RUSC2: variants seen among roughly 807,000 people sequenced by gnomAD.
RUSC2 encodes RUN and SH3 domain containing 2, also known as AP-4 complex accessory subunit RUSC2.
In RUSC2, 34 loss-of-function variants were observed where a neutral mutation model predicts 122.2. That is an observed-to-expected ratio of 0.28 (90% CI 0.21 to 0.37). RUSC2 has a LOEUF of 0.37. Among genes scored for constraint, RUSC2 ranks in the 10% least tolerant of loss-of-function variants. The pLI, the probability that RUSC2 is intolerant of heterozygous loss-of-function variation, is 1.00. For missense variants in RUSC2, 1,747 were observed against 1,952.4 expected, an observed-to-expected ratio of 0.89 and a Z score of 1.98; for synonymous variants, 784 against 790.0, an observed-to-expected ratio of 0.99 and a Z score of 0.13.
intron 1 of RUSC2, among the ~76,000 whole-genome samples, chr9:35,525,643 A>G (rs1211898205): frequency 6.6e-6 from 1 of 152,218 alleles, no homozygotes; most frequent in Non-Finnish European, 1.5e-5. Flanking sequence ...TACTAAAAAT[A>G]CAAAAATTAG....
At chr9:35,529,181 G>T (rs1306328738) in intron 1 of RUSC2, among the ~76,000 whole-genome samples, 1 of 152,136 alleles carries the variant, frequency 6.6e-6, no homozygotes. Context: ...GGAGGGTAGA[G>T]ATATAAAGAA....
Position 35,548,117 on chromosome 9 carries a change from C to T in RUSC2, c.1596C>T (p.Ala532=), listed in dbSNP as rs748297267. ...TGAGTGAGGGCCCTGCAGCCATGGC[C>T]GGGCCTGGCTCCCCACCCAGGAGGG... ...VRLSEGPAAM[A]GPGSPPRRVT... is the part of the protein sequence containing the mutation. The change falls in exon 2 of 12, where the codon GCC becomes GCT. Residue 532 remains alanine, a synonymous_variant. Transcript: ENST00000361226. The surrounding 1 kb of genome is among the most constrained non-coding windows in gnomAD (Gnocchi z 4.5). The T allele has an allele frequency of 1.4e-5, 23 of 1,613,096 alleles. No homozygotes were observed. In the East Asian group the frequency reaches 4.0e-4, roughly 28 times the overall value.
In RUSC2 at chr9:35,512,054, G is replaced by A. The variant is rs771271342; in HGVS notation, c.-93+21882G>A. On this transcript the variant is annotated intron_variant, in intron 1 of 11. Coordinates refer to ENST00000361226, the MANE Select transcript of RUSC2 (RefSeq NM_014806.5). Reference sequence around the variant, plus strand: ...AGATTAGCTGGGCGTGGTGGCTGGCGCCTGTAGTCCCAGCTACTCGGGAGG... The same window carrying A: ...AGATTAGCTGGGCGTGGTGGCTGGCACCTGTAGTCCCAGCTACTCGGGAGG... 1.6e-4 allele frequency among the ~76,000 whole-genome samples: 25 copies of A among 152,034 alleles called. 1 individual carries two copies. The highest frequency in any genetic ancestry group is 2.4e-4 in the Non-Finnish European group (16 of 67,998).
chr9:35,561,070 C>A lies in RUSC2; in HGVS notation c.4322C>A (p.Ser1441Tyr), dbSNP rs1822152684. 3 of 1,614,110 alleles carry A rather than the reference C, an allele frequency of 1.9e-6. No homozygotes were observed. Among genetic ancestry groups the A allele is most frequent in the Non-Finnish European group, 2.5e-6 (3 of 1,179,986 alleles). ...EPKESLQEPH[S>Y]PALPSSPPCE... ...AAGGAGAGCCTGCAGGAGCCACACTCCCCAGCCCTGCCCTCCAGTCCTCCG... is the reference window on the plus strand; with the variant it reads ...AAGGAGAGCCTGCAGGAGCCACACTACCCAGCCCTGCCCTCCAGTCCTCCG... Residue 1441 changes from serine to tyrosine, a missense_variant, in exon 11 of 12, where the codon TCC becomes TAC. By Grantham distance (144) the Ser-to-Tyr change is moderately radical (BLOSUM62 -2). Coordinates refer to ENST00000361226, the MANE Select transcript of RUSC2 (RefSeq NM_014806.5).
chr9:35,499,483 A>G (rs1416497546), intron 1 of RUSC2, among the ~76,000 whole-genome samples: 2 of 152,166 alleles, frequency 1.3e-5, no homozygotes, highest in African/African-American at 4.8e-5. Context: ...TGAGATGGTA[A>G]ACTCTGAGGT....
At position 35,548,454 on chromosome 9, in the gene RUSC2, C is replaced by G. The variant is rs763884790; in HGVS notation, c.1933C>G (p.Gln645Glu). 4 of 1,613,968 alleles carry G rather than the reference C, an allele frequency of 2.5e-6. No homozygotes were observed. Among genetic ancestry groups the G allele is most frequent in the Non-Finnish European group, 2.5e-6 (3 of 1,180,024 alleles). The change falls in exon 2 of 12, where the codon CAG becomes GAG. Residue 645 changes from glutamine (Q) to glutamate (E), a missense_variant. Transcript: ENST00000361226. The surrounding 1 kb of genome is among the most constrained non-coding windows in gnomAD (Gnocchi z 4.5). ...AGCTACTGGGCAAGGCCCCCTGGCT[C>G]AGCTGATGGATCCAGGGCCTGCTCT... Reference protein sequence around the residue: ...LRATGQGPLAQLMDPGPALPG... With the variant: ...LRATGQGPLAELMDPGPALPG...
chr9:35,493,497 T>A (rs1335676535), intron 1 of RUSC2, among the ~76,000 whole-genome samples: 1 of 152,064 alleles, frequency 6.6e-6, no homozygotes, highest in Non-Finnish European at 1.5e-5. Context: ...ACTTCCCTCC[T>A]TTTATTTTTA....
intron 1 of RUSC2, among the ~76,000 whole-genome samples, chr9:35,511,309 G>A (rs1821006732): frequency 6.6e-6 from 1 of 152,204 alleles, no homozygotes; most frequent in African/African-American, 2.4e-5. Context: ...CTGTCATTCT[G>A]TCTGGAACCT....
chr9:35,512,983 G>T lies in RUSC2; in HGVS notation c.-93+22811G>T, dbSNP rs370010324. On this transcript the variant is annotated intron_variant, in intron 1 of 11. Transcript: ENST00000361226. ...AACAGTTCCCTCCTTGTATAGTTTT[G>T]TCAGCATTAAATGAGATGATGCACA... Among the ~76,000 whole-genome samples, 13 of 152,194 alleles carry T rather than the reference G, an allele frequency of 8.5e-5. No homozygotes were observed. In the East Asian group the frequency reaches 1.9e-3, roughly 23 times the overall value.
rs149291812 is a variant in RUSC2, at chr9:35,547,985, C to A, written c.1464C>A (p.Asn488Lys). 7.9e-5 allele frequency: 127 copies of A among 1,614,068 alleles called. No homozygotes were observed. The highest frequency in any genetic ancestry group is 1.4e-5 in the Non-Finnish European group (16 of 1,180,050). Residue 488 changes from asparagine to lysine, a missense_variant, in exon 2 of 12, where the codon AAC becomes AAA. Asn to Lys is a moderately conservative substitution (Grantham distance 94, BLOSUM62 0). Coordinates refer to ENST00000361226, the MANE Select transcript of RUSC2 (RefSeq NM_014806.5). The surrounding 1 kb of genome is among the most constrained non-coding windows in gnomAD (Gnocchi z 4.6). ...GQVYTNTSPPNLSTGRQRSRS... is the reference protein window; with the variant it reads ...GQVYTNTSPPKLSTGRQRSRS... ...TATACACGAATACTTCACCCCCCAA[C>A]CTCAGCACTGGACGTCAGCGCTCCC...
chr9:35,522,333 T>C (rs1178303209), intron 1 of RUSC2, among the ~76,000 whole-genome samples: 2 of 152,218 alleles, frequency 1.3e-5, no homozygotes, highest in African/African-American at 4.8e-5. Flanking sequence ...TGGTCAGTTC[T>C]GCCTTTGCCT....
chr9:35,491,724 C>A (rs1006681774), intron 1 of RUSC2, among the ~76,000 whole-genome samples: 1 of 152,158 alleles, frequency 6.6e-6, no homozygotes, highest in Non-Finnish European at 1.5e-5. Context: ...CCCAGGTGGG[C>A]GGATCACTAG....
In RUSC2 at chr9:35,555,903, G is replaced by A. The variant is rs760575636; in HGVS notation, c.2657-49G>A. 14 of 1,588,086 alleles carry A rather than the reference G, an allele frequency of 8.8e-6. No individual in the cohort carries two copies. The highest frequency in any genetic ancestry group is 1.4e-5 in the African/African-American group (1 of 73,988). On this transcript the variant is annotated intron_variant, in intron 3 of 11. Coordinates refer to ENST00000361226, the MANE Select transcript of RUSC2 (RefSeq NM_014806.5). This position sits in a 1 kb window ranked among gnomAD's most constrained non-coding sequence, Gnocchi z 4.6. ...CTGGGTGGATGTGAAACTCTGTCTC[G>A]CTGTCTCCTGCCAACTCTTGTCTTT... is the stretch of plus-strand genomic sequence containing the variant.
intron 1 of RUSC2, among the ~76,000 whole-genome samples, chr9:35,521,237 T>C (rs1184250979): frequency 6.6e-6 from 1 of 152,238 alleles, no homozygotes; most frequent in Admixed American, 6.5e-5. Context: ...TTGAGCCCGC[T>C]GCTTCCAAAC....
intron 1 of RUSC2, among the ~76,000 whole-genome samples, chr9:35,520,797 C>T (rs1484199820): frequency 6.6e-6 from 1 of 152,170 alleles, no homozygotes; most frequent in Non-Finnish European, 1.5e-5. Context: ...TCAGCATCCA[C>T]CCCTCGTACA....
At chr9:35,509,023 T>TA (rs778725844) in intron 1 of RUSC2, among the ~76,000 whole-genome samples, 7 of 149,380 alleles carry the variant, frequency 4.7e-5, no homozygotes, top group South Asian at 2.1e-4. Context: ...AATTAGTCTT[T>TA]AAAAAAAAAA....
chr9:35,544,105 TCAA>T (rs1821696683), intron 1 of RUSC2, among the ~76,000 whole-genome samples: 1 of 152,184 alleles, frequency 6.6e-6, no homozygotes, highest in Admixed American at 6.5e-5. Context: ...CATATCATCA[TCAA>T]CATTTGCTAG....
chr9:35,541,106 C>A lies in RUSC2; in HGVS notation c.-92-5324C>A, dbSNP rs188495172. Among the ~76,000 whole-genome samples the A allele has an allele frequency of 5.3e-5, 8 of 152,192 alleles. No individual in the cohort carries two copies. In the East Asian group the frequency reaches 1.4e-3, roughly 26 times the overall value. The stretch of plus-strand genomic sequence containing the variant: ...AAAAGGGCTCTCATAGAAAGCTTTT[C>A]CTGATTTTGGAGAGCATGACCTCAT... On this transcript the variant is annotated intron_variant, in intron 1 of 11. Coordinates refer to ENST00000361226, the MANE Select transcript of RUSC2 (RefSeq NM_014806.5).
intron 1 of RUSC2, among the ~76,000 whole-genome samples, chr9:35,502,533 A>G (rs1271937547): frequency 1.3e-5 from 2 of 152,246 alleles, no homozygotes; most frequent in Non-Finnish European, 2.9e-5. Context: ...GAGAAAGATT[A>G]AAAGTGTACA....
Sources: gnomAD v4.1 joint callset for allele counts (sites outside exome capture counted in the v4.1 genomes callset) on GRCh38, gnomAD v4.1.1 for gene constraint, Gnocchi (gnomAD v3.1) non-coding constraint, MANE v1.5 for transcripts, NCBI Gene and HGNC (gene_info 2026-07-23, HGNC 2026-07-21) for gene names.